The following SLCO1A2 variants were observed in gnomAD, a reference collection of about 807,000 sequenced individuals.
The protein encoded by SLCO1A2 is OATP-1.
A neutral mutation model predicts 69.0 loss-of-function variants in SLCO1A2; 67 were observed. The observed-to-expected ratio is 0.97, with a 90% confidence interval of 0.80 to 1.19. SLCO1A2 has a LOEUF of 1.19. Among genes scored for constraint, SLCO1A2 ranks in the 50% most tolerant of loss-of-function variants. The pLI is 0.00. For missense variants in SLCO1A2, 787 were observed against 793.7 expected (o/e 0.99, Z 0.10); for synonymous variants, 260 against 265.9 (o/e 0.98, Z 0.22).
At chr12:21,318,318 A>G (rs1407878376) in intron 3 of SLCO1A2, among the ~76,000 whole-genome samples, 1 of 151,944 alleles carries the variant, frequency 6.6e-6, no homozygotes, top group Non-Finnish European at 1.5e-5. Context: ...ACGGGGTTTC[A>G]CCATGTTAGC....
At chr12:21,367,846 A>G (rs1939505110) in intron 2 of SLCO1A2, among the ~76,000 whole-genome samples, 1 of 152,122 alleles carries the variant, frequency 6.6e-6, no homozygotes, top group South Asian at 2.1e-4. Flanking sequence ...TATAAAGTAT[A>G]TTTCAAAAAA....
At chr12:21,271,857 T>G (rs1942926828) in intron 14 of SLCO1A2, among the ~76,000 whole-genome samples, 1 of 148,854 alleles carries the variant, frequency 6.7e-6, no homozygotes, top group Admixed American at 6.8e-5. Context: ...TACATATATT[T>G]GTACATATGC....
chr12:21,379,995 T>C (rs1436525378), intron 1 of SLCO1A2: 1 of 152,188 alleles, frequency 6.6e-6, no homozygotes, highest in African/African-American at 2.4e-5. Flanking sequence ...TGATGCTCAA[T>C]TGTTGGTCCT....
At chr12:21,301,670 C>T (rs1395038346) in intron 6 of SLCO1A2, among the ~76,000 whole-genome samples, 1 of 152,136 alleles carries the variant, frequency 6.6e-6, no homozygotes, top group Admixed American at 6.6e-5. Flanking sequence ...TCTCATGGCA[C>T]ATTCCTCAAA....
intron 4 of SLCO1A2, 91 bp downstream of exon 4, chr12:21,314,458 T>C (rs976921246): frequency 7.2e-7 from 1 of 1,387,742 alleles, no homozygotes; most frequent in Non-Finnish European, 1.0e-6. Context: ...CCCTATGCTG[T>C]TGGAAAGCAT....
intron 1 of SLCO1A2, among the ~76,000 whole-genome samples, chr12:21,400,467 G>A (rs1941651854): frequency 6.6e-6 from 1 of 151,494 alleles, no homozygotes; most frequent in Admixed American, 6.6e-5. Context: ...AAGTCAGTGT[G>A]GCGATTCCTC....
chr12:21,295,709 C>T lies in SLCO1A2; in HGVS notation c.1159G>A (p.Ala387Thr). The change falls in exon 10 of 15, where the codon GCT becomes ACT. Residue 387 changes from alanine to threonine, a missense_variant. By Grantham distance (58) the Ala-to-Thr change is moderately conservative. Coordinates refer to ENST00000683939, the MANE Select transcript of SLCO1A2 (RefSeq NM_001386879.1). ...GATAACCAACATCCTATGTGGGCAGCTTGTTTGACAGTAATCTTGAACTTC... is the reference window on the plus strand; with the variant it reads ...GATAACCAACATCCTATGTGGGCAGTTTGTTTGACAGTAATCTTGAACTTC... ...MKKFKITVKQ[A>T]AHIGCWLSLL... 1 of 1,608,534 alleles carries T rather than the reference C, an allele frequency of 6.2e-7. No homozygotes were observed. Among genetic ancestry groups the T allele is most frequent in the Non-Finnish European group, 8.5e-7 (1 of 1,175,142 alleles).
rs774987302 is a variant in SLCO1A2 at position 21,318,965 on chromosome 12, A to T, written c.61-42T>A. The T allele has an allele frequency of 5.4e-6, 8 of 1,471,218 alleles. No individual in the cohort carries two copies. The Admixed American group carries it at 1.7e-4, about 31-fold the overall frequency. 91.1% of individuals were successfully genotyped at this position (1,471,218 alleles called of 1,614,324 possible). ...AGAAAACGTAGAAAAAATTATTTTT[A>T]AATTGTATACTTGCCGTCTGTTGAC... On this transcript the variant is annotated intron_variant, in intron 2 of 14. Transcript: ENST00000683939.
At chr12:21,403,318 A>T (rs553119162) in intron 1 of SLCO1A2, 51 of 152,276 alleles carry the variant, frequency 3.3e-4, no homozygotes, top group African/African-American at 1.2e-3. Context: ...AACCCAAAGA[A>T]TCTTATACTT....
intron 6 of SLCO1A2, among the ~76,000 whole-genome samples, chr12:21,303,774 C>T (rs146961738): frequency 8.7e-4 from 132 of 152,054 alleles, no homozygotes; most frequent in African/African-American, 2.7e-3. Flanking sequence ...AAGATGAAGA[C>T]GTATTTGTGA....
intron 4 of SLCO1A2, among the ~76,000 whole-genome samples, chr12:21,312,881 C>CA (rs1446048021): frequency 6.6e-6 from 1 of 151,874 alleles, no homozygotes; most frequent in Non-Finnish European, 1.5e-5. Flanking sequence ...CAGGACCAGC[C>CA]AGGGCAATAT....
chr12:21,337,529 A>G (rs2306230), upstream of SLCO1A2, among the ~76,000 whole-genome samples: 56,112 of 151,074 alleles, frequency 0.37, 11,074 homozygotes, highest in African/African-American at 0.52. Context: ...TCCTTTCCCT[A>G]GGGAAAAAAA....
At chr12:21,395,390 T>A (rs1375505262) in exon 1 of SLCO1A2, 1 of 153,124 alleles carries the variant, frequency 6.5e-6, no homozygotes, top group East Asian at 1.9e-4. Context: ...GGAGTCTCGC[T>A]GATTGCTAGC....
chr12:21,413,113 G>T (rs572020997), intron 1 of SLCO1A2, among the ~76,000 whole-genome samples: 1 of 151,282 alleles, frequency 6.6e-6, no homozygotes, highest in South Asian at 2.1e-4. Flanking sequence ...TTTTGATTTT[G>T]GTATATATGT....
intron 2 of SLCO1A2, among the ~76,000 whole-genome samples, chr12:21,363,405 G>A (rs552421590): frequency 6.6e-6 from 1 of 152,270 alleles, no homozygotes; most frequent in East Asian, 1.9e-4. Flanking sequence ...TGTATGTAGA[G>A]GGAAATTTAT....
At chr12:21,335,758 A>C (rs537756133), upstream of SLCO1A2, among the ~76,000 whole-genome samples, 2 of 152,238 alleles carry the variant, frequency 1.3e-5, no homozygotes, top group South Asian at 4.1e-4. Context: ...TAGTCGCTGC[A>C]CTATTATGTT....
In SLCO1A2 at chr12:21,332,625, G is replaced by A. The variant is rs530176746; in HGVS notation, c.60+1963C>T. ...GGTCCATTCAGTGCTGGGAGCAGGG[G>A]GTGGGAGGGTTGAATTTTATTTGTG... On this transcript the variant is annotated intron_variant, in intron 2 of 14. Coordinates refer to ENST00000683939, the MANE Select transcript of SLCO1A2 (RefSeq NM_001386879.1). Among the ~76,000 whole-genome samples the A allele has an allele frequency of 2.6e-5, 4 of 152,184 alleles. No individual in the cohort carries two copies. In the East Asian group the frequency reaches 7.7e-4, roughly 29 times the overall value.
Position 21,295,645 on chromosome 12 carries a change from A to G in SLCO1A2, c.1223T>C (p.Met408Thr). The change falls in exon 10 of 15, where the codon ATG becomes ACG. Residue 408 changes from methionine to threonine, a missense_variant. Transcript: ENST00000683939. ...AACAACTGAAGAATTTTCACAAGTCATGAGAAAAGATAAAAAATAGAGAAG... is the reference window on the plus strand; with the variant it reads ...AACAACTGAAGAATTTTCACAAGTCGTGAGAAAAGATAAAAAATAGAGAAG... ...EYLLYFLSFL[M>T]TCENSSVVGI... is the part of the protein sequence containing the mutation. The G allele has an allele frequency of 1.2e-6, 2 of 1,605,040 alleles. No individual in the cohort carries two copies. The highest frequency in any genetic ancestry group is 1.7e-6 in the Non-Finnish European group (2 of 1,172,052).
Position 21,282,989 on chromosome 12 carries a change from C to T in SLCO1A2, c.1611-7565G>A, listed in dbSNP as rs1305931930. On this transcript the variant is annotated intron_variant, in intron 12 of 14. Transcript: ENST00000683939. ...TTGAAAGAAACAATATTGCTAAAAC[C>T]AAACAAAGGAATCTGCAATCTACAG... Among the ~76,000 whole-genome samples, 3 of 152,010 alleles carry T rather than the reference C, an allele frequency of 2.0e-5. No homozygotes were observed. The East Asian group carries it at 5.8e-4, about 29-fold the overall frequency.
Sources: gnomAD v4.1 joint callset for allele counts (sites outside exome capture counted in the v4.1 genomes callset) on GRCh38, gnomAD v4.1.1 for gene constraint, MANE v1.5 for transcripts, NCBI Gene and HGNC (gene_info 2026-07-23, HGNC 2026-07-21) for gene names.